The following MSRA variants were observed in gnomAD, a reference collection of about 807,000 sequenced individuals.
MSRA encodes mitochondrial peptide methionine sulfoxide reductase.
Under a neutral mutation model 31.3 loss-of-function variants are expected in MSRA, and 54 were observed. That is an observed-to-expected ratio of 1.73 (90% confidence interval 1.39 to 2.17). MSRA has a LOEUF of 2.17. Ranked by LOEUF, MSRA falls within the 30% of genes most tolerant of loss-of-function variation. The pLI is 0.00. For synonymous variants in MSRA, 169 were observed against 116.5 expected (o/e 1.45, Z -2.90); for missense variants, 507 against 300.9 (o/e 1.69, Z -5.07).
rs577170567 is a variant in MSRA at position 10,212,356 on chromosome 8, C to G, written c.211+4455C>G. On this transcript the variant is annotated intron_variant, in intron 2 of 5. Transcript: ENST00000317173. ...ATTAGGATATAATGTCCCCCTTTAA[C>G]GAGGTTGTATATTATAACGTATTGC... Among the ~76,000 whole-genome samples, 50 of 152,120 alleles carry G rather than the reference C, an allele frequency of 3.3e-4. No individual in the cohort carries two copies. The South Asian group carries it at 0.01, about 31-fold the overall frequency.
intron 1 of MSRA, among the ~76,000 whole-genome samples, chr8:10,157,197 T>C (rs767545784): frequency 1.1e-4 from 16 of 152,158 alleles, no homozygotes; most frequent in Non-Finnish European, 1.9e-4. Flanking sequence ...TGGGATTACA[T>C]TTTTAAAGGA....
intron 3 of MSRA, among the ~76,000 whole-genome samples, chr8:10,276,266 G>T (rs1029490898): frequency 2.6e-5 from 4 of 152,204 alleles, no homozygotes; most frequent in African/African-American, 9.6e-5. Flanking sequence ...GCACATGGTC[G>T]CAGTAAGTGC....
At chr8:10,258,468 T>C (rs756720658) in intron 3 of MSRA, among the ~76,000 whole-genome samples, 6 of 152,174 alleles carry the variant, frequency 3.9e-5, no homozygotes, top group Admixed American at 1.3e-4. Context: ...CATCTCCCTA[T>C]TCTTGTGACA....
chr8:10,300,786 C>G (rs549475368), intron 3 of MSRA, among the ~76,000 whole-genome samples: 4 of 152,210 alleles, frequency 2.6e-5, no homozygotes, highest in African/African-American at 9.6e-5. Context: ...TTGCCATGCT[C>G]TAAGACTATA....
At chr8:10,274,500 G>C (rs1799215568) in intron 3 of MSRA, among the ~76,000 whole-genome samples, 1 of 152,142 alleles carries the variant, frequency 6.6e-6, no homozygotes, top group South Asian at 2.1e-4. Flanking sequence ...AAGTTCAGCT[G>C]GGATAGGAGG....
chr8:10,393,710 C>T (rs1231041976), intron 5 of MSRA, among the ~76,000 whole-genome samples: 1 of 152,190 alleles, frequency 6.6e-6, no homozygotes, highest in Non-Finnish European at 1.5e-5. Flanking sequence ...GACCTGCACA[C>T]GGGCAGCTTG....
chr8:10,281,552 A>G (rs1799623658), intron 3 of MSRA, among the ~76,000 whole-genome samples: 1 of 152,236 alleles, frequency 6.6e-6, no homozygotes, highest in Non-Finnish European at 1.5e-5. Flanking sequence ...GAAACAATGC[A>G]AGTGCAGTGA....
intron 5 of MSRA, among the ~76,000 whole-genome samples, chr8:10,322,211 G>T (rs111821951): frequency 7.0e-6 from 1 of 143,480 alleles, no homozygotes; most frequent in African/African-American, 2.6e-5. Flanking sequence ...GAGGATGAGG[G>T]AGACCCCATT....
rs117404814 is a variant in MSRA at position 10,404,186 on chromosome 8, T to A, written c.544-23962T>A. On this transcript the variant is annotated intron_variant, in intron 5 of 5. Transcript: ENST00000317173. ...GGTCCACGTGGAGAGGTCACCTCAT[T>A]TCCCCACAATGCCGGGAAAGTGAGA... Among the ~76,000 whole-genome samples the A allele has an allele frequency of 2.5e-3, 375 of 152,182 alleles. 5 individuals are homozygous for A. Among genetic ancestry groups the A allele is most frequent in the East Asian group, 0.017 (86 of 5,166 alleles).
chr8:10,378,702 C>T (rs1805887736), intron 5 of MSRA, among the ~76,000 whole-genome samples: 1 of 152,232 alleles, frequency 6.6e-6, no homozygotes, highest in African/African-American at 2.4e-5. Context: ...TTGGCACCAC[C>T]TGGGAACTTG....
intron 5 of MSRA, among the ~76,000 whole-genome samples, chr8:10,364,968 C>T (rs1028739422): frequency 2.0e-5 from 3 of 152,204 alleles, no homozygotes; most frequent in Admixed American, 2.0e-4. Context: ...TTTAACACTG[C>T]CATTTGCACC....
chr8:10,060,727 G>A (rs1366748166), intron 1 of MSRA, among the ~76,000 whole-genome samples: 1 of 150,958 alleles, frequency 6.6e-6, no homozygotes, highest in East Asian at 2.0e-4. Flanking sequence ...ATTTTGGCGT[G>A]ATTGAAAAAT....
intron 1 of MSRA, among the ~76,000 whole-genome samples, chr8:10,100,544 C>T (rs1456190582): frequency 7.2e-5 from 11 of 151,960 alleles, no homozygotes; most frequent in Admixed American, 7.2e-4. Context: ...GGGATGTGAT[C>T]AGAAGTGTTC....
At chr8:10,262,088 C>G (rs1798514218) in intron 3 of MSRA, among the ~76,000 whole-genome samples, 1 of 152,162 alleles carries the variant, frequency 6.6e-6, no homozygotes. Context: ...TAATAATCCA[C>G]TGTTTGGAGG....
chr8:10,094,082 A>G (rs1798996576), intron 1 of MSRA, among the ~76,000 whole-genome samples: 1 of 152,234 alleles, frequency 6.6e-6, no homozygotes, highest in East Asian at 1.9e-4. Context: ...TTTGAATTAC[A>G]AATTCACTGT....
chr8:10,145,196 C>T lies in MSRA; in HGVS notation c.143-62637C>T, dbSNP rs543640814. 2.1e-4 allele frequency among the ~76,000 whole-genome samples: 32 copies of T among 152,290 alleles called. No homozygotes were observed. The South Asian group carries it at 5.4e-3, about 26-fold the overall frequency. On this transcript the variant is annotated intron_variant, in intron 1 of 5. Coordinates refer to ENST00000317173, the MANE Select transcript of MSRA (RefSeq NM_012331.5). ...CAGGCAGGGCCTATGCAGTGCGAGG[C>T]GAGAACCGTCCGATCGGAGCACCTG...
Position 10,099,980 on chromosome 8 carries a change from C to G in MSRA, c.142+45322C>G, listed in dbSNP as rs187540715. Among the ~76,000 whole-genome samples the G allele has an allele frequency of 5.3e-4, 80 of 152,256 alleles. No individual in the cohort carries two copies. In the East Asian group the frequency reaches 8.9e-3, roughly 17 times the overall value. The stretch of plus-strand genomic sequence containing the variant: ...TAAAGTGTTTCTTTTGAGGGCAGGA[C>G]AAAGGCAGAGGGGATGGAGACAGAG... On this transcript the variant is annotated intron_variant, in intron 1 of 5. Coordinates refer to ENST00000317173, the MANE Select transcript of MSRA (RefSeq NM_012331.5).
At chr8:10,059,681 A>G (rs998143214) in intron 1 of MSRA, among the ~76,000 whole-genome samples, 3 of 152,234 alleles carry the variant, frequency 2.0e-5, no homozygotes, top group Non-Finnish European at 4.4e-5. Flanking sequence ...CTGCATGGCA[A>G]AAATCATCAT....
At chr8:10,171,122 C>G (rs982240410) in intron 1 of MSRA, among the ~76,000 whole-genome samples, 4 of 152,178 alleles carry the variant, frequency 2.6e-5, no homozygotes, top group Admixed American at 6.5e-5. Context: ...TAAAGACTTG[C>G]AACTGACTTT....
Sources: allele counts gnomAD v4.1 joint callset (sites outside exome capture counted in the v4.1 genomes callset), GRCh38; gene constraint gnomAD v4.1.1; transcripts MANE v1.5; gene names NCBI Gene and HGNC (gene_info 2026-07-23, HGNC 2026-07-21).